Variants in PCDHGA5 observed in about 807,000 individuals in gnomAD.
PCDHGA5 encodes protocadherin gamma-A5.
PCDHGA5 carries 36 observed loss-of-function variants against 56.7 expected under a neutral mutation model. The ratio of observed to expected loss-of-function variants is 0.64; its 90% CI spans 0.49 to 0.84. The LOEUF (loss-of-function observed/expected upper bound fraction) is 0.84, where lower values mean the gene tolerates loss of function less well. Among genes scored for constraint, PCDHGA5 ranks in the 40% least tolerant of loss-of-function variants. The pLI, the probability that PCDHGA5 is intolerant of heterozygous loss-of-function variation, is 0.00. For synonymous variants in PCDHGA5, 563 were observed against 520.2 expected (o/e 1.08, Z -1.12); for missense variants, 1,305 against 1,201.5 (o/e 1.09, Z -1.27).
chr5:141,484,123 T>C (rs2099592351), intron 1 of PCDHGA5, among the ~76,000 whole-genome samples: 1 of 152,174 alleles, frequency 6.6e-6, no homozygotes, highest in South Asian at 2.1e-4. Flanking sequence ...AAGAATACCT[T>C]GGTGTCAGAT....
chr5:141,373,689 C>T (rs575785726), intron 1 of PCDHGA5, among the ~76,000 whole-genome samples: 2 of 152,314 alleles, frequency 1.3e-5, no homozygotes, highest in East Asian at 1.9e-4. Context: ...CTTCAGAGAA[C>T]ATTTAAAATT....
At position 141,427,408 on chromosome 5, in the gene PCDHGA5, G is replaced by C. The variant is rs975709597; in HGVS notation, c.2421+60657G>C. ...TTCAAAACACATGATAAAGATTCGA[G>C]AGAAAATGGGGAGGTTACATGCCTC... On this transcript the variant is annotated intron_variant, in intron 1 of 3. Coordinates refer to ENST00000518069, the MANE Select transcript of PCDHGA5 (RefSeq NM_018918.3). The C allele has an allele frequency of 1.3e-5, 6 of 463,300 alleles. No homozygotes were observed. In the Admixed American group the frequency reaches 1.4e-4, roughly 11 times the overall value. The allele number at this position is 463,300 out of a possible 1,614,324, so 28.7% of individuals were successfully genotyped here. A position where few individuals can be genotyped will look rare whatever the true frequency, so the allele number is the denominator to read the frequency against.
chr5:141,445,584 G>A lies in PCDHGA5; in HGVS notation c.2422-49223G>A, dbSNP rs540956709. ...AGAAAGCTTATAGTAGGGAAGCTTC[G>A]CCTAATCTGAAGGTCAAGGAAGGCT... On this transcript the variant is annotated intron_variant, in intron 1 of 3. Transcript: ENST00000518069. Among the ~76,000 whole-genome samples, 116 of 152,286 alleles carry A rather than the reference G, an allele frequency of 7.6e-4. 2 individuals are homozygous for A. Among genetic ancestry groups the A allele is most frequent in the Non-Finnish European group, 2.4e-4 (16 of 68,024 alleles).
In PCDHGA5 at chr5:141,431,023, C is replaced by T. The variant is rs374655655; in HGVS notation, c.2422-63784C>T. 1 of 1,613,748 alleles carries T rather than the reference C, an allele frequency of 6.2e-7. No homozygotes were observed. On this transcript the variant is annotated intron_variant, in intron 1 of 3. Coordinates refer to ENST00000518069, the MANE Select transcript of PCDHGA5 (RefSeq NM_018918.3). This position sits in a 1 kb window ranked among gnomAD's most constrained non-coding sequence, Gnocchi z 4.8. Reference sequence around the variant, plus strand: ...GCAGCGGCAGCTTGGTCACGGCGGGCAGGATAGACCGGGAGGAGCTCTGTA... The same window carrying T: ...GCAGCGGCAGCTTGGTCACGGCGGGTAGGATAGACCGGGAGGAGCTCTGTA...
intron 1 of PCDHGA5, chr5:141,419,661 A>G (rs1363084793): frequency 2.5e-6 from 4 of 1,612,714 alleles, no homozygotes; most frequent in East Asian, 2.2e-5. Flanking sequence ...TCGGGGCACA[A>G]TGCCTGGCTG....
At chr5:141,415,396 G>C (rs11575962) in intron 1 of PCDHGA5, 2 of 1,614,204 alleles carry the variant, frequency 1.2e-6, no homozygotes, top group Non-Finnish European at 1.7e-6. Flanking sequence ...AGGTGTGTCC[G>C]GCTCGCACTT....
At chr5:141,484,660 T>G in intron 1 of PCDHGA5, among the ~76,000 whole-genome samples, 1 of 151,976 alleles carries the variant, frequency 6.6e-6, no homozygotes, top group Non-Finnish European at 1.5e-5. Flanking sequence ...ACTCTCCCTC[T>G]CAGTGGGCCG....
intron 1 of PCDHGA5, chr5:141,388,796 A>G: frequency 6.2e-7 from 1 of 1,613,952 alleles, no homozygotes; most frequent in Non-Finnish European, 8.5e-7. Flanking sequence ...TTTTAAATAC[A>G]TTAGATTTTG....
At chr5:141,504,545 TGTTGGGGG>T in intron 2 of PCDHGA5, among the ~76,000 whole-genome samples, 1 of 151,524 alleles carries the variant, frequency 6.6e-6, no homozygotes, top group South Asian at 2.1e-4. Flanking sequence ...TCATGGCAAA[TGTTGGGGG>T]ACTGGCATTC....
At chr5:141,389,500 C>A in intron 1 of PCDHGA5, 1 of 1,613,056 alleles carries the variant, frequency 6.2e-7, no homozygotes, top group Non-Finnish European at 8.5e-7. Context: ...GGCTCGCCAG[C>A]GCTCAGCGCG....
In PCDHGA5 at chr5:141,485,354, G is replaced by C; in HGVS notation, c.2422-9453G>C. 7 of 1,614,176 alleles carry C rather than the reference G, an allele frequency of 4.3e-6. No homozygotes were observed. Among genetic ancestry groups the C allele is most frequent in the Non-Finnish European group, 5.1e-6 (6 of 1,180,024 alleles). Reference sequence around the variant, plus strand: ...CCTGCTGGATACGGACAGTCTGTCAGCTCGCAGGCTGCAGGTCGCTGGAGA... The same window carrying C: ...CCTGCTGGATACGGACAGTCTGTCACCTCGCAGGCTGCAGGTCGCTGGAGA... On this transcript the variant is annotated intron_variant, in intron 1 of 3. Transcript: ENST00000518069. This position sits in a 1 kb window ranked among gnomAD's most constrained non-coding sequence, Gnocchi z 5.7.
intron 1 of PCDHGA5, chr5:141,404,610 T>G (rs1207198913): frequency 6.2e-7 from 1 of 1,614,130 alleles, no homozygotes. Context: ...CTGTTTGTTT[T>G]GGACCAGAAT....
At chr5:141,506,188 C>A (rs925159785) in intron 3 of PCDHGA5, among the ~76,000 whole-genome samples, 1 of 152,058 alleles carries the variant, frequency 6.6e-6, no homozygotes, top group Non-Finnish European at 1.5e-5. Flanking sequence ...TGGTGGCTCA[C>A]GCCTGTAATC....
intron 1 of PCDHGA5, chr5:141,433,358 CCTATCTATCTAT>C (rs3074541): frequency 0.01 from 5,256 of 504,010 alleles, 38 homozygotes; most frequent in Non-Finnish European, 0.014. Flanking sequence ...CTACTGTCTG[CCTATCTATCTAT>C]CTATCTATCT....
intron 1 of PCDHGA5, chr5:141,400,053 G>C: frequency 6.2e-7 from 1 of 1,613,736 alleles, no homozygotes; most frequent in Non-Finnish European, 8.5e-7. Flanking sequence ...TGGTTGCTGT[G>C]CGTGATGGTG....
intron 1 of PCDHGA5, chr5:141,417,615 A>G (rs908930043): frequency 3.2e-6 from 2 of 629,140 alleles, no homozygotes; most frequent in Non-Finnish European, 5.1e-6. Flanking sequence ...CGGCCAGTGC[A>G]GAGCAAGCGC....
At chr5:141,483,361 A>G (rs752805137) in intron 1 of PCDHGA5, among the ~76,000 whole-genome samples, 1 of 152,102 alleles carries the variant, frequency 6.6e-6, no homozygotes, top group South Asian at 2.1e-4. Context: ...TTTGAAAGCT[A>G]TTGCAATATT....
chr5:141,475,644 A>C (rs1021491842), intron 1 of PCDHGA5, among the ~76,000 whole-genome samples: 2 of 152,238 alleles, frequency 1.3e-5, no homozygotes, highest in Non-Finnish European at 2.9e-5. Context: ...TCTTGTGATC[A>C]AAGAAAGTGA....
At chr5:141,394,425 G>A (rs2092997484) in intron 1 of PCDHGA5, 6 of 1,614,232 alleles carry the variant, frequency 3.7e-6, no homozygotes, top group Non-Finnish European at 5.1e-6. Flanking sequence ...CAGCGACAGC[G>A]GGGACCCGCC....
Sources: allele counts gnomAD v4.1 joint callset (sites outside exome capture counted in the v4.1 genomes callset), GRCh38; gene constraint gnomAD v4.1.1; non-coding constraint Gnocchi (gnomAD v3.1); transcripts MANE v1.5; gene names NCBI Gene and HGNC (gene_info 2026-07-23, HGNC 2026-07-21).